CEP170: variants seen among roughly 807,000 people sequenced by gnomAD.
CEP170 encodes the protein centrosomal protein of 170 kDa.
In CEP170, 21 loss-of-function variants were observed where a neutral mutation model predicts 151.9. The observed-to-expected ratio is 0.14, with a 90% CI of 0.10 to 0.20. The LOEUF is 0.20. Ranked by LOEUF, CEP170 falls within the 10% of genes least tolerant of loss-of-function variation. CEP170 has a pLI of 1.00. For synonymous variants in CEP170, 356 were observed against 648.8 expected (o/e 0.55, Z 6.86); for missense variants, 964 against 1,892.9 (o/e 0.51, Z 9.11).
chr1:243,242,478 A>G (rs1004264529), intron 1 of CEP170, among the ~76,000 whole-genome samples: 1 of 151,714 alleles, frequency 6.6e-6, no homozygotes, highest in Admixed American at 6.6e-5. Flanking sequence ...TCGGCCTCCC[A>G]AAGTGCTGGG....
chr1:243,218,122 A>C (rs1298147416), intron 3 of CEP170, among the ~76,000 whole-genome samples: 1 of 152,212 alleles, frequency 6.6e-6, no homozygotes, highest in East Asian at 1.9e-4. Context: ...GAGCACAACC[A>C]CCTCAATCTC....
intron 4 of CEP170, among the ~76,000 whole-genome samples, chr1:243,207,530 C>G (rs1234614255): frequency 1.3e-5 from 2 of 152,026 alleles, no homozygotes; most frequent in East Asian, 1.9e-4. Flanking sequence ...CCAAGCCAAC[C>G]TGGCCTAACT....
Position 243,226,038 on chromosome 1 carries a change from T to C in CEP170, c.-41-717A>G, listed in dbSNP as rs376634392. Among the ~76,000 whole-genome samples, 41 of 82,742 alleles carry C rather than the reference T, an allele frequency of 5.0e-4. 1 individual carries two copies. The East Asian group carries it at 0.015, about 30-fold the overall frequency. 54.3% of individuals were successfully genotyped at this position (82,742 alleles called of 152,430 possible). On this transcript the variant is annotated intron_variant, in intron 1 of 19. Coordinates refer to ENST00000366542, the MANE Select transcript of CEP170 (RefSeq NM_014812.3). ...ATATATACACACGTATATATATCTATCTCTAGATATATATATCTAGATATA... is the reference window on the plus strand; with the variant it reads ...ATATATACACACGTATATATATCTACCTCTAGATATATATATCTAGATATA...
At chr1:243,244,898 T>C (rs866663287) in intron 1 of CEP170, among the ~76,000 whole-genome samples, 1 of 152,172 alleles carries the variant, frequency 6.6e-6, no homozygotes. Flanking sequence ...TAGGCATGTA[T>C]TTAATAAAAT....
chr1:243,150,744 T>C (rs549154525), intron 14 of CEP170, among the ~76,000 whole-genome samples: 1 of 152,266 alleles, frequency 6.6e-6, no homozygotes, highest in South Asian at 2.1e-4. Context: ...TAAACCACGG[T>C]TTTCTCTGTA....
chr1:243,162,947 A>T (rs148368476), intron 13 of CEP170, among the ~76,000 whole-genome samples: 2,459 of 152,314 alleles, frequency 0.016, 71 homozygotes, highest in African/African-American at 0.056. Flanking sequence ...AAGTGTGGAA[A>T]TGAGGACTGG....
intron 4 of CEP170, among the ~76,000 whole-genome samples, chr1:243,210,433 A>G (rs898319900): frequency 1.3e-4 from 19 of 151,918 alleles, no homozygotes; most frequent in Non-Finnish European, 2.5e-4. Flanking sequence ...CTAATTCTTA[A>G]TTATTTTGCA....
At chr1:243,228,351 T>C (rs2063467958) in intron 1 of CEP170, among the ~76,000 whole-genome samples, 1 of 152,236 alleles carries the variant, frequency 6.6e-6, no homozygotes, top group East Asian at 1.9e-4. Flanking sequence ...TTGATTTATG[T>C]GGATTATTAA....
At chr1:243,172,110 A>C (rs2058888587) in intron 11 of CEP170, among the ~76,000 whole-genome samples, 1 of 152,166 alleles carries the variant, frequency 6.6e-6, no homozygotes, top group African/African-American at 2.4e-5. Context: ...TTCTTGTTTT[A>C]TCTCATAATG....
At chr1:243,192,786 T>C (rs2060392408) in intron 7 of CEP170, among the ~76,000 whole-genome samples, 2 of 152,354 alleles carry the variant, frequency 1.3e-5, no homozygotes, top group East Asian at 1.9e-4. Flanking sequence ...CCTGACTGCT[T>C]TTAGGTTACA....
intron 1 of CEP170, among the ~76,000 whole-genome samples, chr1:243,249,461 C>A (rs2065736067): frequency 1.3e-5 from 2 of 150,964 alleles, no homozygotes; most frequent in Non-Finnish European, 2.9e-5. Flanking sequence ...AAATAAAGTT[C>A]ATTGAAGAAT....
At chr1:243,237,416 C>A (rs893356340) in intron 1 of CEP170, among the ~76,000 whole-genome samples, 3 of 152,116 alleles carry the variant, frequency 2.0e-5, no homozygotes, top group Non-Finnish European at 4.4e-5. Context: ...TGGCTAGTGG[C>A]ACTCTAGCTA....
chr1:243,246,539 T>A lies in CEP170; in HGVS notation c.-42+8501A>T, dbSNP rs144398922. ...GAGCCACTGGGCCCGGCCTGTTGTT[T>A]ACAATTTTAAAAATACATTTAATTT... On this transcript the variant is annotated intron_variant, in intron 1 of 19. Coordinates refer to ENST00000366542, the MANE Select transcript of CEP170 (RefSeq NM_014812.3). Among the ~76,000 whole-genome samples the A allele has an allele frequency of 7.9e-3, 1,207 of 152,300 alleles. 14 individuals are homozygous for A. Among genetic ancestry groups the A allele is most frequent in the African/African-American group, 0.027 (1,131 of 41,548 alleles).
chr1:243,181,224 C>T (rs1038823827), intron 10 of CEP170, among the ~76,000 whole-genome samples: 6 of 151,990 alleles, frequency 3.9e-5, no homozygotes, highest in African/African-American at 1.4e-4. Context: ...AGGTAGTTAT[C>T]GGAGAGGCCA....
chr1:243,144,914 C>T (rs1244802320), intron 14 of CEP170, among the ~76,000 whole-genome samples: 1 of 152,172 alleles, frequency 6.6e-6, no homozygotes, highest in Non-Finnish European at 1.5e-5. Flanking sequence ...GTCAGAACCA[C>T]TGACTCAATT....
intron 1 of CEP170, among the ~76,000 whole-genome samples, chr1:243,226,857 T>G (rs1321043642): frequency 6.6e-6 from 1 of 152,066 alleles, no homozygotes; most frequent in African/African-American, 2.4e-5. Flanking sequence ...GGCATGGTGG[T>G]GTGCACCTGT....
chr1:243,232,202 C>G lies in CEP170; in HGVS notation c.-41-6881G>C, dbSNP rs141579350. On this transcript the variant is annotated intron_variant, in intron 1 of 19. Transcript: ENST00000366542. ...CTGGTCTTGAACTCATGAGTTCAAGCAATCCACCCGCTTCAGCCTCTCAAA... is the reference window on the plus strand; with the variant it reads ...CTGGTCTTGAACTCATGAGTTCAAGGAATCCACCCGCTTCAGCCTCTCAAA... 6.8e-3 allele frequency among the ~76,000 whole-genome samples: 1,027 copies of G among 152,102 alleles called. 10 individuals are homozygous for G. The highest frequency in any genetic ancestry group is 0.024 in the African/African-American group (983 of 41,480).
At chr1:243,160,432 A>G (rs1357824917) in intron 13 of CEP170, among the ~76,000 whole-genome samples, 3 of 152,162 alleles carry the variant, frequency 2.0e-5, no homozygotes, top group Non-Finnish European at 1.5e-5. Context: ...TAATTATAAA[A>G]TAGGCAACAT....
intron 1 of CEP170, among the ~76,000 whole-genome samples, chr1:243,240,292 A>G (rs1282923861): frequency 2.0e-5 from 3 of 152,226 alleles, no homozygotes; most frequent in African/African-American, 7.2e-5. Context: ...CCTGGGCAAC[A>G]AGAAACTCTG....
Sources: allele counts gnomAD v4.1 joint callset (sites outside exome capture counted in the v4.1 genomes callset), GRCh38; gene constraint gnomAD v4.1.1; transcripts MANE v1.5; gene names NCBI Gene and HGNC (gene_info 2026-07-23, HGNC 2026-07-21).